MYH15: variants seen among roughly 807,000 people sequenced by gnomAD.
MYH15 encodes myosin heavy chain 15.
MYH15 carries 227 observed loss-of-function variants against 240.5 expected under a neutral mutation model. The observed-to-expected ratio is 0.94, with a 90% CI of 0.85 to 1.05. The LOEUF (loss-of-function observed/expected upper bound fraction) is 1.05, where lower values mean the gene tolerates loss of function less well. MYH15 is among the 50% of genes least tolerant of loss of function. MYH15 has a pLI of 0.00. For synonymous variants in MYH15, 785 were observed against 796.7 expected, an observed-to-expected ratio of 0.99 and a Z score of 0.25; for missense variants, 2,217 against 2,247.5, an observed-to-expected ratio of 0.99 and a Z score of 0.27.
chr3:108,385,275 TC>T (rs943669200), intron 38 of MYH15, among the ~76,000 whole-genome samples: 2 of 152,188 alleles, frequency 1.3e-5, no homozygotes. Flanking sequence ...AACCAATTGC[TC>T]CCCAATCAAA....
upstream of MYH15, among the ~76,000 whole-genome samples, chr3:108,515,500 C>A (rs558639430): frequency 6.6e-6 from 1 of 152,186 alleles, no homozygotes; most frequent in Non-Finnish European, 1.5e-5. Context: ...CTCTCAATGA[C>A]CTTCCAGTAC....
intron 38 of MYH15, among the ~76,000 whole-genome samples, chr3:108,388,381 G>A (rs1450290073): frequency 6.6e-6 from 1 of 152,200 alleles, no homozygotes; most frequent in Non-Finnish European, 1.5e-5. Flanking sequence ...TTAGTCACTT[G>A]TAAGAAGTCT....
upstream of MYH15, among the ~76,000 whole-genome samples, chr3:108,512,958 TTCTATCTCC>T (rs1413261534): frequency 6.6e-6 from 1 of 152,168 alleles, no homozygotes; most frequent in Non-Finnish European, 1.5e-5. Flanking sequence ...ATCGAAATCC[TTCTATCTCC>T]TTGGCCCCAT....
chr3:108,501,996 G>T, intron 2 of MYH15, 141 bp from the exon 3 acceptor site: 2 of 865,850 alleles, frequency 2.3e-6, no homozygotes. Context: ...AATTAAGCCA[G>T]CCTTCATGGA....
rs78529384 is a variant in MYH15, at chr3:108,499,064, G to A, written c.524+391C>T. Among the ~76,000 whole-genome samples, 4 of 152,248 alleles carry A rather than the reference G, an allele frequency of 2.6e-5. No homozygotes were observed. The East Asian group carries it at 7.7e-4, about 29-fold the overall frequency. ...TACTTTGACCTGCCCCAATCTGGCT[G>A]CCCACAACTGCTTGTTATCTGTTCC... On this transcript the variant is annotated intron_variant, in intron 5 of 40. Coordinates refer to ENST00000693548, the MANE Select transcript of MYH15 (RefSeq NM_014981.3).
rs1161250604 is a variant in MYH15 at position 108,381,450 on chromosome 3, T to G, written c.*95A>C. On this transcript the variant is annotated 3_prime_UTR_variant, in exon 41 of 41. Transcript: ENST00000693548. The stretch of plus-strand genomic sequence containing the variant: ...TGGTGTGAAAAGCAATTTAAACATG[T>G]TTTTAAAAATGTTTCCATGCAACCT... 6.5e-6 allele frequency: 9 copies of G among 1,389,496 alleles called. No homozygotes were observed. The Admixed American group carries it at 1.2e-4, about 18-fold the overall frequency. The allele number at this position is 1,389,496 out of a possible 1,614,324, so 86.1% of individuals were successfully genotyped here. A position where few individuals can be genotyped will look rare whatever the true frequency, so the allele number is the denominator to read the frequency against.
At chr3:108,405,885 G>T (rs1334647625) in intron 32 of MYH15, among the ~76,000 whole-genome samples, 1 of 152,158 alleles carries the variant, frequency 6.6e-6, no homozygotes, top group African/African-American at 2.4e-5. Flanking sequence ...AGGGGATAGA[G>T]GAAAAGTTGG....
At chr3:108,462,575 T>C (rs2083080777) in intron 16 of MYH15, among the ~76,000 whole-genome samples, 1 of 152,090 alleles carries the variant, frequency 6.6e-6, no homozygotes, top group South Asian at 2.1e-4. Context: ...ATAATGTATC[T>C]AACAGTACTT....
chr3:108,397,707 A>G (rs775831085), intron 35 of MYH15, among the ~76,000 whole-genome samples: 8 of 152,210 alleles, frequency 5.3e-5, no homozygotes, highest in Non-Finnish European at 8.8e-5. Flanking sequence ...TGTCACTTAC[A>G]TAACCTTCCA....
chr3:108,447,995 G>C (rs1298179768), intron 21 of MYH15, among the ~76,000 whole-genome samples: 1 of 152,038 alleles, frequency 6.6e-6, no homozygotes, highest in African/African-American at 2.4e-5. Flanking sequence ...AAAATTAAGA[G>C]TTTTTATATG....
At chr3:108,454,165 G>A (rs780289097) in intron 20 of MYH15, 23 bp from the exon 21 acceptor site, 5 of 1,596,638 alleles carry the variant, frequency 3.1e-6, no homozygotes, top group Middle Eastern at 1.7e-4. Context: ...TCAGATGTTA[G>A]CTCCACTGAT....
At chr3:108,484,466 T>C (rs1273572322) in intron 11 of MYH15, among the ~76,000 whole-genome samples, 1 of 152,006 alleles carries the variant, frequency 6.6e-6, no homozygotes, top group East Asian at 1.9e-4. Flanking sequence ...TTGCTCCTTA[T>C]TTTTGTATTT....
At chr3:108,542,881 CT>C in the MYH15 span, among the ~76,000 whole-genome samples, 744 of 133,184 alleles carry the variant, frequency 5.6e-3, 2 homozygotes, top group Non-Finnish European at 6.4e-3. Flanking sequence ...GATCTCGTTC[CT>C]TTTTTTTTTT....
intron 27 of MYH15, among the ~76,000 whole-genome samples, chr3:108,424,546 C>A (rs1171097397): frequency 6.6e-6 from 1 of 152,116 alleles, no homozygotes; most frequent in Non-Finnish European, 1.5e-5. Flanking sequence ...TAAAATGATG[C>A]ATAAAAATGC....
intron 6 of MYH15, among the ~76,000 whole-genome samples, chr3:108,497,505 C>T (rs182437414): frequency 4.0e-3 from 607 of 151,598 alleles, no homozygotes; most frequent in African/African-American, 0.014. Context: ...GTTAATGGAG[C>T]TAAACAAAGT....
At chr3:108,444,565 G>A (rs527555393) in intron 22 of MYH15, 75 bp downstream of exon 22, 192 of 1,510,608 alleles carry the variant, frequency 1.3e-4, no homozygotes, top group Non-Finnish European at 1.5e-4. Flanking sequence ...TTTTGTTTCC[G>A]TGTCAACACT....
intron 5 of MYH15, among the ~76,000 whole-genome samples, chr3:108,498,411 T>C (rs568785978): frequency 6.6e-6 from 1 of 152,170 alleles, no homozygotes; most frequent in African/African-American, 2.4e-5. Context: ...TTCCTTGTGG[T>C]CCTAATAACA....
At chr3:108,417,878 T>C (rs999384661) in intron 28 of MYH15, among the ~76,000 whole-genome samples, 2 of 152,198 alleles carry the variant, frequency 1.3e-5, no homozygotes, top group African/African-American at 4.8e-5. Context: ...TACATGCATA[T>C]ATCTTTTTAT....
At chr3:108,388,535 AG>A (rs2107534150) in intron 38 of MYH15, among the ~76,000 whole-genome samples, 1 of 152,214 alleles carries the variant, frequency 6.6e-6, no homozygotes, top group East Asian at 1.9e-4. Context: ...TTGCGCAACC[AG>A]AAAATAGGAG....
Sources: gnomAD v4.1 joint callset for allele counts (sites outside exome capture counted in the v4.1 genomes callset) on GRCh38, gnomAD v4.1.1 for gene constraint, MANE v1.5 for transcripts, NCBI Gene and HGNC (gene_info 2026-07-23, HGNC 2026-07-21) for gene names.